GLDC: variants seen among roughly 807,000 people sequenced by gnomAD.
GLDC encodes the protein glycine decarboxylase.
Under a neutral mutation model 121.3 loss-of-function variants are expected in GLDC, and 104 were observed. The ratio of observed to expected loss-of-function variants is 0.86; its 90% CI spans 0.73 to 1.01. The LOEUF is 1.01. Ranked by LOEUF, GLDC falls within the 50% of genes least tolerant of loss-of-function variation. The probability of loss-of-function intolerance (pLI) is 0.00; values close to 1 mark genes in which losing one functional copy is unlikely to be tolerated. For missense variants in GLDC, 1,429 were observed against 1,306.6 expected, an observed-to-expected ratio of 1.09 and a Z score of -1.44; for synonymous variants, 546 against 480.6, an observed-to-expected ratio of 1.14 and a Z score of -1.78.
intron 20 of GLDC, among the ~76,000 whole-genome samples, chr9:6,553,055 G>A (rs575921927): frequency 1.4e-3 from 217 of 152,240 alleles, no homozygotes; most frequent in African/African-American, 4.6e-3. Context: ...ACCAAAGGAT[G>A]CGGCCAGAAC....
intron 8 of GLDC, among the ~76,000 whole-genome samples, chr9:6,598,516 G>C (rs1214533056): frequency 6.6e-6 from 1 of 152,214 alleles, no homozygotes; most frequent in East Asian, 1.9e-4. Flanking sequence ...AGAGAGAAGA[G>C]CAAGAGTGAG....
At chr9:6,635,471 T>C (rs552343845) in intron 2 of GLDC, among the ~76,000 whole-genome samples, 71 of 152,306 alleles carry the variant, frequency 4.7e-4, no homozygotes, top group African/African-American at 1.5e-3. Context: ...TACAGTATAA[T>C]TGATTTCAGT....
At chr9:6,619,146 C>CA (rs1162280442) in intron 3 of GLDC, among the ~76,000 whole-genome samples, 1,257 of 60,614 alleles carry the variant, frequency 0.021, 170 homozygotes, top group African/African-American at 0.024. Flanking sequence ...CTGTCTCAGG[C>CA]AAAAAAAAAA....
At chr9:6,545,552 C>T (rs1817370213) in intron 21 of GLDC, among the ~76,000 whole-genome samples, 1 of 152,102 alleles carries the variant, frequency 6.6e-6, no homozygotes, top group Non-Finnish European at 1.5e-5. Context: ...TGTATACTAC[C>T]ATAGACTTTG....
At chr9:6,619,281 T>C (rs1819032114) in intron 3 of GLDC, among the ~76,000 whole-genome samples, 1 of 151,568 alleles carries the variant, frequency 6.6e-6, no homozygotes, top group Non-Finnish European at 1.5e-5. Context: ...AGAGCCTGTC[T>C]ACAGAATGCA....
intron 22 of GLDC, among the ~76,000 whole-genome samples, chr9:6,538,202 G>A (rs1034078388): frequency 6.6e-6 from 1 of 151,740 alleles, no homozygotes; most frequent in African/African-American, 2.4e-5. Context: ...ATATCCTGCT[G>A]TAGTGGTCCC....
At chr9:6,581,539 G>A (rs1359946612) in intron 15 of GLDC, among the ~76,000 whole-genome samples, 2 of 152,178 alleles carry the variant, frequency 1.3e-5, no homozygotes, top group Non-Finnish European at 2.9e-5. Flanking sequence ...AGGGCCAACT[G>A]GTATCTGGGT....
chr9:6,624,447 C>G (rs1207386090), intron 2 of GLDC, among the ~76,000 whole-genome samples: 2 of 152,202 alleles, frequency 1.3e-5, no homozygotes, highest in Non-Finnish European at 2.9e-5. Flanking sequence ...AATGTATCCA[C>G]AGGCCAAGGA....
At chr9:6,579,645 G>A (rs977303693) in intron 15 of GLDC, among the ~76,000 whole-genome samples, 1 of 152,098 alleles carries the variant, frequency 6.6e-6, no homozygotes, top group Admixed American at 6.6e-5. Flanking sequence ...GAGCCACCGT[G>A]CCCAGTCCTG....
intron 3 of GLDC, among the ~76,000 whole-genome samples, chr9:6,619,488 G>T (rs1216473918): frequency 6.6e-6 from 1 of 152,138 alleles, no homozygotes; most frequent in East Asian, 1.9e-4. Flanking sequence ...AGCACTTTGG[G>T]AGGCTGAAGC....
intron 2 of GLDC, among the ~76,000 whole-genome samples, chr9:6,637,134 G>C (rs1257326116): frequency 6.6e-6 from 1 of 151,438 alleles, no homozygotes; most frequent in Non-Finnish European, 1.5e-5. Context: ...CGCCTGTAAT[G>C]CCAGCACTTT....
At chr9:6,551,310 A>G (rs1168519159) in intron 20 of GLDC, among the ~76,000 whole-genome samples, 3 of 152,192 alleles carry the variant, frequency 2.0e-5, no homozygotes, top group South Asian at 4.1e-4. Context: ...ATCTGGGCCA[A>G]TATCTCCACG....
At chr9:6,608,223 C>A (rs1234282590) in intron 4 of GLDC, among the ~76,000 whole-genome samples, 2 of 149,906 alleles carry the variant, frequency 1.3e-5, no homozygotes, top group Non-Finnish European at 3.0e-5. Context: ...ACCCTCCTGG[C>A]TAACAGGGTG....
intron 2 of GLDC, among the ~76,000 whole-genome samples, chr9:6,643,890 C>G (rs1475526055): frequency 2.0e-5 from 3 of 151,032 alleles, no homozygotes; most frequent in Non-Finnish European, 4.4e-5. Context: ...AAAAATGAGC[C>G]TGGTGTGGTG....
At chr9:6,574,668 A>G (rs149016171) in intron 15 of GLDC, among the ~76,000 whole-genome samples, 142 of 152,150 alleles carry the variant, frequency 9.3e-4, no homozygotes, top group African/African-American at 3.4e-3. Context: ...ACTGCTTTAC[A>G]TTTCCCGAAA....
intron 3 of GLDC, among the ~76,000 whole-genome samples, chr9:6,618,915 G>T (rs544977849): frequency 1.3e-5 from 2 of 152,050 alleles, no homozygotes; most frequent in East Asian, 3.9e-4. Flanking sequence ...AGGCCAAGGC[G>T]GGTGGATCAT....
rs1817019592 is a variant in GLDC at position 6,532,476 on chromosome 9, A to G, written c.*541T>C. The G allele has an allele frequency of 1.3e-5, 2 of 157,480 alleles. No homozygotes were observed. The highest frequency in any genetic ancestry group is 4.8e-5 in the African/African-American group (2 of 41,364). The allele number at this position is 157,480 out of a possible 1,614,324, so 9.8% of individuals were successfully genotyped here. ...CAAGAGAAAGGCATTCTTCCGATCA[A>G]GATGCTTTTATTAGAATACTAATAA... On this transcript the variant is annotated 3_prime_UTR_variant, in exon 25 of 25. Coordinates refer to ENST00000321612, the MANE Select transcript of GLDC (RefSeq NM_000170.3).
chr9:6,640,262 A>G (rs997857773), intron 2 of GLDC, among the ~76,000 whole-genome samples: 1 of 152,278 alleles, frequency 6.6e-6, no homozygotes. Flanking sequence ...TAAAGAAGAA[A>G]TAATAATTCC....
At chr9:6,545,665 G>C (rs1817372507) in intron 21 of GLDC, among the ~76,000 whole-genome samples, 1 of 152,104 alleles carries the variant, frequency 6.6e-6, no homozygotes, top group African/African-American at 2.4e-5. Context: ...TTTTGAGACA[G>C]AGTCTCAATC....
Sources: allele counts gnomAD v4.1 joint callset (sites outside exome capture counted in the v4.1 genomes callset), GRCh38; gene constraint gnomAD v4.1.1; transcripts MANE v1.5; gene names NCBI Gene and HGNC (gene_info 2026-07-23, HGNC 2026-07-21).